The following DENND6A variants were observed in gnomAD, a reference collection of about 807,000 sequenced individuals.
The protein encoded by DENND6A is protein DENND6A.
In DENND6A, 43 loss-of-function variants were observed where a neutral mutation model predicts 95.5. That is an observed-to-expected ratio of 0.45 (90% CI 0.35 to 0.58). DENND6A has a LOEUF of 0.58. DENND6A is among the 20% of genes least tolerant of loss of function. The pLI is 0.00. For missense variants in DENND6A, 574 were observed against 736.0 expected, an observed-to-expected ratio of 0.78 and a Z score of 2.55; for synonymous variants, 257 against 260.4, an observed-to-expected ratio of 0.99 and a Z score of 0.13.
intron 5 of DENND6A, among the ~76,000 whole-genome samples, chr3:57,662,538 TG>T (rs1274204255): frequency 6.6e-6 from 1 of 152,132 alleles, no homozygotes; most frequent in Admixed American, 6.6e-5. Flanking sequence ...ATTGTACATT[TG>T]GAATAGAAAC....
rs545801561 is a variant in DENND6A at position 57,660,224 on chromosome 3, C to T, written c.699+536G>A. On this transcript the variant is annotated intron_variant, in intron 7 of 19. Coordinates refer to ENST00000311128, the MANE Select transcript of DENND6A (RefSeq NM_152678.3). ...TTTTTTTTTTTTTGAGACAGGGTCT[C>T]GCTTTTGTCCTGCAGGCTGGAATGC... is the stretch of plus-strand genomic sequence containing the variant. Among the ~76,000 whole-genome samples the T allele has an allele frequency of 3.1e-4, 46 of 150,160 alleles. 1 individual carries two copies. The South Asian group carries it at 9.4e-3, about 31-fold the overall frequency.
intron 12 of DENND6A, among the ~76,000 whole-genome samples, chr3:57,637,993 G>T (rs1374151274): frequency 3.3e-5 from 5 of 151,758 alleles, no homozygotes; most frequent in Non-Finnish European, 2.9e-5. Flanking sequence ...AATCAGCTGA[G>T]TGTGGTGGCG....
chr3:57,684,618 T>C (rs2077196020), intron 1 of DENND6A, among the ~76,000 whole-genome samples: 1 of 151,662 alleles, frequency 6.6e-6, no homozygotes, highest in Non-Finnish European at 1.5e-5. Flanking sequence ...ACCCTGTTTC[T>C]ACAAAAAAAC....
rs2071409815 is a variant in DENND6A, at chr3:57,660,794, G to A, written c.665C>T (p.Thr222Ile). ...DRWPAPVPGK[T>I]LHLPIMGVVM... ...CACCCCCATGATTGGCAGGTGTAAT[G>A]TTTTCCCTGGCACTGGGGCAGGCCA... The change falls in exon 7 of 20, where the codon ACA becomes ATA. Residue 222 changes from threonine to isoleucine, a missense_variant. Coordinates refer to ENST00000311128, the MANE Select transcript of DENND6A (RefSeq NM_152678.3). 1 of 1,610,098 alleles carries A rather than the reference G, an allele frequency of 6.2e-7. No individual in the cohort carries two copies. The highest frequency in any genetic ancestry group is 1.3e-5 in the African/African-American group (1 of 74,910).
chr3:57,663,770 T>C, intron 4 of DENND6A, 54 bp from the exon 5 acceptor site: 4 of 1,006,310 alleles, frequency 4.0e-6, no homozygotes, highest in Non-Finnish European at 5.7e-6. Context: ...TATATGTATC[T>C]ATATCTATAT....
chr3:57,646,135 T>A (rs988642382), intron 10 of DENND6A, among the ~76,000 whole-genome samples, 181 bp downstream of exon 10: 2 of 152,224 alleles, frequency 1.3e-5, no homozygotes, highest in Non-Finnish European at 2.9e-5. Flanking sequence ...CTGAATCAAT[T>A]TTCTCATCCA....
chr3:57,681,563 G>A (rs1364835696), intron 1 of DENND6A, among the ~76,000 whole-genome samples: 1 of 149,874 alleles, frequency 6.7e-6, no homozygotes, highest in African/African-American at 2.5e-5. Flanking sequence ...GGTCAATGCT[G>A]CAGTGAGCTA....
chr3:57,672,491 A>T, intron 1 of DENND6A, 53 bp from the exon 2 acceptor site: 2 of 1,559,782 alleles, frequency 1.3e-6, no homozygotes, highest in Non-Finnish European at 1.8e-6. Flanking sequence ...TTAGTTATAA[A>T]CATATTATAG....
intron 12 of DENND6A, among the ~76,000 whole-genome samples, chr3:57,635,625 T>C (rs773205673): frequency 8.5e-5 from 13 of 152,200 alleles, no homozygotes; most frequent in Admixed American, 2.6e-4. Flanking sequence ...TTTGTTTAAA[T>C]AGTTACATAG....
intron 9 of DENND6A, 26 bp from the exon 10 acceptor site, chr3:57,646,464 A>G (rs1028410656): frequency 1.3e-6 from 2 of 1,585,624 alleles, no homozygotes; most frequent in Non-Finnish European, 1.7e-6. Flanking sequence ...CAGTAGAAAT[A>G]CTTTTTAATG....
intron 9 of DENND6A, among the ~76,000 whole-genome samples, chr3:57,653,588 T>TA (rs1445657266): frequency 1.2e-4 from 18 of 151,246 alleles, no homozygotes; most frequent in Non-Finnish European, 2.4e-4. Context: ...CTACTAAAAA[T>TA]AAAAAAAATT....
In DENND6A at chr3:57,692,684, G is replaced by C; in HGVS notation, c.237+98C>G. On this transcript the variant is annotated intron_variant, in intron 1 of 19. Transcript: ENST00000311128. ...ACTGGCCACGCCCGGATGCGCCGCG[G>C]ACAGGGTCCTGGCCGGTCAGCCCGC... 1.7e-6 allele frequency: 2 copies of C among 1,150,836 alleles called. 1 individual carries two copies. Among genetic ancestry groups the C allele is most frequent in the South Asian group, 3.8e-5 (2 of 53,312 alleles). 71.3% of individuals were successfully genotyped at this position (1,150,836 alleles called of 1,614,324 possible). A position where few individuals can be genotyped will look rare whatever the true frequency, so the allele number is the denominator to read the frequency against.
intron 15 of DENND6A, among the ~76,000 whole-genome samples, chr3:57,631,997 C>T (rs1349787425): frequency 6.9e-6 from 1 of 144,276 alleles, no homozygotes; most frequent in Non-Finnish European, 1.5e-5. Flanking sequence ...GCTGGGATTA[C>T]AGGCGTGAGC....
rs748776608 is a variant in DENND6A at position 57,633,255 on chromosome 3, A to G, written c.1353+10T>C. On this transcript the variant is annotated intron_variant, in intron 15 of 19. Coordinates refer to ENST00000311128, the MANE Select transcript of DENND6A (RefSeq NM_152678.3). The stretch of plus-strand genomic sequence containing the variant: ...CATTAAATTATGCAAAAATTTATTT[A>G]TTAACTTACTAATGGAATGATGAAA... 3 of 1,603,652 alleles carry G rather than the reference A, an allele frequency of 1.9e-6. No individual in the cohort carries two copies. Among genetic ancestry groups the G allele is most frequent in the South Asian group, 2.2e-5 (2 of 90,528 alleles).
rs2070758695 is a variant in DENND6A at position 57,634,860 on chromosome 3, C to T, written c.1133-91G>A. 5 of 1,044,960 alleles carry T rather than the reference C, an allele frequency of 4.8e-6. No homozygotes were observed. In the East Asian group the frequency reaches 1.4e-4, roughly 29 times the overall value. The allele number at this position is 1,044,960 out of a possible 1,614,324, so 64.7% of individuals were successfully genotyped here. ...TATAAGATTTATAATCTGTTTATTA[C>T]TTAAGTATGTTATAATGAAAGGATT... is the stretch of plus-strand genomic sequence containing the variant. On this transcript the variant is annotated intron_variant, in intron 12 of 19. Transcript: ENST00000311128.
At chr3:57,688,683 C>CA (rs11406696) in intron 1 of DENND6A, among the ~76,000 whole-genome samples, 57,545 of 149,962 alleles carry the variant, frequency 0.38, 12,267 homozygotes, top group South Asian at 0.54. Context: ...AGACCAAAGA[C>CA]AAAAAAAAAC....
intron 15 of DENND6A, 64 bp from the exon 16 acceptor site, chr3:57,631,042 A>G: frequency 6.7e-7 from 1 of 1,498,632 alleles, no homozygotes; most frequent in East Asian, 2.3e-5. Context: ...GACCTACTTA[A>G]AAGGAATGGG....
At chr3:57,660,585 G>A (rs113021834) in intron 7 of DENND6A, among the ~76,000 whole-genome samples, 175 bp downstream of exon 7, 4,584 of 152,234 alleles carry the variant, frequency 0.03, 94 homozygotes, top group Non-Finnish European at 0.05. Flanking sequence ...GTGCATGCCT[G>A]TGGTCCTGGC....
intron 9 of DENND6A, among the ~76,000 whole-genome samples, chr3:57,647,457 G>A (rs1166204223): frequency 6.6e-6 from 1 of 152,138 alleles, no homozygotes; most frequent in Non-Finnish European, 1.5e-5. Context: ...AAGGTAAGGT[G>A]GACATCTACA....
Sources: gnomAD v4.1 joint callset for allele counts (sites outside exome capture counted in the v4.1 genomes callset) on GRCh38, gnomAD v4.1.1 for gene constraint, MANE v1.5 for transcripts, NCBI Gene and HGNC (gene_info 2026-07-23, HGNC 2026-07-21) for gene names.